The following BRMS1L variants were observed in gnomAD, a reference collection of about 807,000 sequenced individuals.
The protein encoded by BRMS1L is breast cancer metastasis-suppressor 1-like protein.
BRMS1L carries 23 observed loss-of-function variants against 50.3 expected under a neutral mutation model. The observed-to-expected ratio is 0.46, with a 90% CI of 0.33 to 0.65. BRMS1L has a LOEUF of 0.65. BRMS1L is among the 30% of genes least tolerant of loss of function. BRMS1L has a pLI of 0.02. For synonymous variants in BRMS1L, 114 were observed against 126.9 expected (o/e 0.90, Z 0.69); for missense variants, 286 against 386.1 (o/e 0.74, Z 2.17).
Position 35,868,027 on chromosome 14 carries a change from T to TA in BRMS1L, c.850dup (p.Thr284AsnfsTer9). The TA allele has an allele frequency of 6.3e-7, 1 of 1,590,296 alleles. No homozygotes were observed. The highest frequency in any genetic ancestry group is 8.5e-7 in the Non-Finnish European group (1 of 1,173,248). ...GTATTGATAAAAAAGATGAATGTCC[T>TA]ACAAGGTAAAAAAGCCTTTGTTATT... On this transcript the variant is annotated frameshift_variant, in exon 9 of 10. Transcript: ENST00000216807. LOFTEE classifies it high-confidence loss of function.
chr14:35,853,846 A>G lies in BRMS1L; in HGVS notation c.442-8744A>G, dbSNP rs1389778010. The stretch of plus-strand genomic sequence containing the variant: ...TTTATCAAGTTTTAAAAATAATGTC[A>G]TAAAGTTATATCCTCTATTTCTGTT... On this transcript the variant is annotated intron_variant, in intron 4 of 9. Transcript: ENST00000216807. Among the ~76,000 whole-genome samples the G allele has an allele frequency of 3.3e-5, 5 of 152,322 alleles. No homozygotes were observed. In the East Asian group the frequency reaches 9.6e-4, roughly 29 times the overall value.
chr14:35,854,470 G>A (rs957129356), intron 4 of BRMS1L, among the ~76,000 whole-genome samples: 7 of 152,050 alleles, frequency 4.6e-5, no homozygotes, highest in South Asian at 2.1e-4. Flanking sequence ...TTGATCTTTG[G>A]TTTTTCTGCT....
At chr14:35,853,751 G>T (rs1222974416) in intron 4 of BRMS1L, among the ~76,000 whole-genome samples, 1 of 152,192 alleles carries the variant, frequency 6.6e-6, no homozygotes, top group South Asian at 2.1e-4. Context: ...TAATGCTAAC[G>T]TATTTTGAGT....
chr14:35,831,845 A>G (rs924007722), intron 2 of BRMS1L, among the ~76,000 whole-genome samples: 4 of 152,156 alleles, frequency 2.6e-5, no homozygotes, highest in African/African-American at 4.8e-5. Context: ...AATTGAGCCC[A>G]GGAGGTCAAG....
chr14:35,861,345 T>G (rs2078348641), intron 4 of BRMS1L, among the ~76,000 whole-genome samples: 2 of 152,178 alleles, frequency 1.3e-5, no homozygotes, highest in South Asian at 4.1e-4. Flanking sequence ...GGCTTATCAC[T>G]CCAGCTCTGT....
At position 35,831,697 on chromosome 14, in the gene BRMS1L, T is replaced by G. The variant is rs182399406; in HGVS notation, c.233+197T>G. On this transcript the variant is annotated intron_variant, in intron 2 of 9. Transcript: ENST00000216807. ...AGGGTTTGGAGGCAGGGTTTTTTTGTGGGCTTGAACCCAGGAGTTGGAGAC... is the reference window on the plus strand; with the variant it reads ...AGGGTTTGGAGGCAGGGTTTTTTTGGGGGCTTGAACCCAGGAGTTGGAGAC... Among the ~76,000 whole-genome samples the G allele has an allele frequency of 2.6e-5, 4 of 152,296 alleles. 1 individual carries two copies. Among genetic ancestry groups the G allele is most frequent in the Admixed American group, 1.3e-4 (2 of 15,296 alleles).
At position 35,850,955 on chromosome 14, in the gene BRMS1L, T is replaced by C. The variant is rs1294509017; in HGVS notation, c.442-11635T>C. ...AACTAATCCTAGACCCACCCAAGGATCAAGCACAGAATTTGGTTTCTTGTA... is the reference window on the plus strand; with the variant it reads ...AACTAATCCTAGACCCACCCAAGGACCAAGCACAGAATTTGGTTTCTTGTA... On this transcript the variant is annotated intron_variant, in intron 4 of 9. Transcript: ENST00000216807. 3.3e-5 allele frequency among the ~76,000 whole-genome samples: 5 copies of C among 152,232 alleles called. No individual in the cohort carries two copies. The East Asian group carries it at 9.6e-4, about 29-fold the overall frequency.
At chr14:35,853,744 T>C (rs960855346) in intron 4 of BRMS1L, among the ~76,000 whole-genome samples, 1 of 152,196 alleles carries the variant, frequency 6.6e-6, no homozygotes, top group Non-Finnish European at 1.5e-5. Context: ...TGATATTTAA[T>C]GCTAACGTAT....
intron 4 of BRMS1L, among the ~76,000 whole-genome samples, chr14:35,837,165 G>A (rs1283035023): frequency 1.3e-5 from 2 of 152,046 alleles, no homozygotes; most frequent in Non-Finnish European, 2.9e-5. Flanking sequence ...TGAGACAGGA[G>A]AATTGCTTGA....
At chr14:35,846,294 G>A (rs1431531352) in intron 4 of BRMS1L, among the ~76,000 whole-genome samples, 1 of 151,912 alleles carries the variant, frequency 6.6e-6, no homozygotes, top group Non-Finnish European at 1.5e-5. Context: ...CTACTCGGGA[G>A]GCTGAGGCAG....
chr14:35,834,768 G>T, intron 3 of BRMS1L, 76 bp from the exon 4 acceptor site: 1 of 1,035,932 alleles, frequency 9.7e-7, no homozygotes, highest in Non-Finnish European at 1.3e-6. Flanking sequence ...ATACAGTGAG[G>T]ACAGAATTCC....
chr14:35,851,830 G>A (rs2078215526), intron 4 of BRMS1L, among the ~76,000 whole-genome samples: 1 of 152,152 alleles, frequency 6.6e-6, no homozygotes, highest in African/African-American at 2.4e-5. Flanking sequence ...GAAAGCAGTA[G>A]CTCAAAGAGA....
chr14:35,846,356 A>G (rs1595667561), intron 4 of BRMS1L, among the ~76,000 whole-genome samples: 1 of 151,502 alleles, frequency 6.6e-6, no homozygotes, highest in Non-Finnish European at 1.5e-5. Context: ...TGATCGTGCC[A>G]CCACACCCTA....
chr14:35,832,484 T>G (rs1021318607), intron 2 of BRMS1L, among the ~76,000 whole-genome samples: 1 of 147,462 alleles, frequency 6.8e-6, no homozygotes, highest in Non-Finnish European at 1.5e-5. Flanking sequence ...CCAGCCTGGG[T>G]GACGGAGCGA....
At chr14:35,828,339 A>T (rs1218897311) in intron 1 of BRMS1L, among the ~76,000 whole-genome samples, 1 of 149,630 alleles carries the variant, frequency 6.7e-6, no homozygotes, top group Non-Finnish European at 1.5e-5. Flanking sequence ...CACCAAGCTA[A>T]TTTTTTGTAT....
At chr14:35,858,997 A>C (rs2078316693) in intron 4 of BRMS1L, among the ~76,000 whole-genome samples, 1 of 149,034 alleles carries the variant, frequency 6.7e-6, no homozygotes, top group Admixed American at 6.8e-5. Context: ...GCTGGAGTGC[A>C]GTGGTGCAAT....
At chr14:35,867,021 T>C (rs1474695708) in intron 8 of BRMS1L, among the ~76,000 whole-genome samples, 2 of 152,174 alleles carry the variant, frequency 1.3e-5, no homozygotes, top group Non-Finnish European at 2.9e-5. Context: ...TAGAACCATA[T>C]CTCTTTTGGT....
In BRMS1L at chr14:35,871,577, C is replaced by A. The variant is rs1279670550; in HGVS notation, c.*1100C>A. 3 of 152,598 alleles carry A rather than the reference C, an allele frequency of 2.0e-5. No homozygotes were observed. The highest frequency in any genetic ancestry group is 2.0e-4 in the Admixed American group (3 of 15,286). 9.5% of individuals were successfully genotyped at this position (152,598 alleles called of 1,614,324 possible). A position where few individuals can be genotyped will look rare whatever the true frequency, so the allele number is the denominator to read the frequency against. On this transcript the variant is annotated 3_prime_UTR_variant, in exon 10 of 10. Transcript: ENST00000216807. ...GGCTGTAGTGTATATTTAGGGTACA[C>A]CAAATCAGGTATTCCTGGTGGTCTT...
At chr14:35,827,706 A>G (rs2077862922) in intron 1 of BRMS1L, among the ~76,000 whole-genome samples, 1 of 152,264 alleles carries the variant, frequency 6.6e-6, no homozygotes, top group South Asian at 2.1e-4. Flanking sequence ...AAAAGCTATC[A>G]TAAGTCACCA....
Sources: gnomAD v4.1 joint callset for allele counts (sites outside exome capture counted in the v4.1 genomes callset) on GRCh38, gnomAD v4.1.1 for gene constraint, MANE v1.5 for transcripts, NCBI Gene and HGNC (gene_info 2026-07-23, HGNC 2026-07-21) for gene names.